The following CSMD1 variants were observed in gnomAD, a reference collection of about 807,000 sequenced individuals.
The protein encoded by CSMD1 is CUB and sushi domain-containing protein 1.
A neutral mutation model predicts 417.5 loss-of-function variants in CSMD1; 213 were observed. The observed-to-expected ratio is 0.51, with a 90% CI of 0.46 to 0.57. CSMD1 has a LOEUF of 0.57. Ranked by LOEUF, CSMD1 falls within the 20% of genes least tolerant of loss-of-function variation. The pLI is 0.00. For missense variants in CSMD1, 6,923 were observed against 4,529.7 expected (o/e 1.53, Z -15.17); for synonymous variants, 2,862 against 1,736.8 (o/e 1.65, Z -16.11).
At chr8:4,207,519 T>G (rs1375557558) in intron 3 of CSMD1, among the ~76,000 whole-genome samples, 1 of 152,148 alleles carries the variant, frequency 6.6e-6, no homozygotes, top group East Asian at 1.9e-4. Context: ...TTTCTTAAAC[T>G]GAAGTTTTAG....
intron 10 of CSMD1, among the ~76,000 whole-genome samples, chr8:3,509,211 G>C (rs1796960716): frequency 6.6e-6 from 1 of 152,154 alleles, no homozygotes; most frequent in East Asian, 1.9e-4. Flanking sequence ...TGGGCAATTA[G>C]AGAAACAATA....
rs371381065 is a variant in CSMD1 at position 3,468,855 on chromosome 8, G to C, written c.1449-31C>G. 4 of 1,454,770 alleles carry C rather than the reference G, an allele frequency of 2.7e-6. No individual in the cohort carries two copies. The East Asian group carries it at 7.2e-5, about 26-fold the overall frequency. 90.1% of individuals were successfully genotyped at this position (1,454,770 alleles called of 1,614,324 possible). On this transcript the variant is annotated intron_variant, in intron 11 of 69. Coordinates refer to ENST00000635120, the MANE Select transcript of CSMD1 (RefSeq NM_033225.6). The stretch of plus-strand genomic sequence containing the variant: ...AGAAAGAGAAATGTCAAAGCTTTTA[G>C]GTAAGGCAACAAGTACATCGACTTC...
chr8:3,428,400 G>A (rs1012613264), intron 12 of CSMD1, among the ~76,000 whole-genome samples: 5 of 152,128 alleles, frequency 3.3e-5, no homozygotes, highest in Non-Finnish European at 7.4e-5. Context: ...CAGAAGCTGG[G>A]CTTTAAAGAA....
intron 3 of CSMD1, among the ~76,000 whole-genome samples, chr8:4,353,181 C>T (rs1366911201): frequency 2.6e-5 from 4 of 152,146 alleles, no homozygotes; most frequent in Non-Finnish European, 4.4e-5. Context: ...TAATAATCCC[C>T]ACGTGTCAAG....
chr8:2,955,736 G>T lies in CSMD1; in HGVS notation c.9847C>A (p.His3283Asn). 1 of 1,613,874 alleles carries T rather than the reference G, an allele frequency of 6.2e-7. No homozygotes were observed. Among genetic ancestry groups the T allele is most frequent in the Non-Finnish European group, 8.5e-7 (1 of 1,179,782 alleles). ...HACRQPETPA[H>N]ADVRAIDLPT... ...AGATCGATGGCTCTCACATCCGCGTGTGCCGGGGTTTCTGGCTGTCTGCAG... is the reference window on the plus strand; with the variant it reads ...AGATCGATGGCTCTCACATCCGCGTTTGCCGGGGTTTCTGGCTGTCTGCAG... Residue 3283 changes from histidine (H) to asparagine (N), a missense_variant, in exon 64 of 70, where the codon CAC becomes AAC. Transcript: ENST00000635120.
rs117819433 is a variant in CSMD1, at chr8:4,772,743, G to T, written c.86-135185C>A. Among the ~76,000 whole-genome samples the T allele has an allele frequency of 4.6e-5, 7 of 152,306 alleles. No individual in the cohort carries two copies. In the East Asian group the frequency reaches 1.4e-3, roughly 29 times the overall value. On this transcript the variant is annotated intron_variant, in intron 1 of 69. Transcript: ENST00000635120. ...CTTGAATTCAGATGAAGTGGATTCAGATCCCGGAAGAACCTCTTGGCTAAC... is the reference window on the plus strand; with the variant it reads ...CTTGAATTCAGATGAAGTGGATTCATATCCCGGAAGAACCTCTTGGCTAAC...
intron 1 of CSMD1, among the ~76,000 whole-genome samples, chr8:4,647,188 G>A (rs547209911): frequency 1.7e-3 from 257 of 151,392 alleles, no homozygotes; most frequent in Middle Eastern, 0.01. Flanking sequence ...TAGGCCACTG[G>A]GCCATACGTA....
intron 7 of CSMD1, among the ~76,000 whole-genome samples, chr8:3,617,123 G>A (rs560677366): frequency 6.6e-6 from 1 of 152,236 alleles, no homozygotes; most frequent in African/African-American, 2.4e-5. Context: ...CAGAAAAACA[G>A]CATTATGAGA....
At chr8:4,603,127 T>C (rs1025261069) in intron 2 of CSMD1, among the ~76,000 whole-genome samples, 1 of 152,016 alleles carries the variant, frequency 6.6e-6, no homozygotes, top group Non-Finnish European at 1.5e-5. Context: ...GGCTTGAATT[T>C]TTTATGGAGA....
intron 7 of CSMD1, among the ~76,000 whole-genome samples, chr8:3,644,680 G>C (rs1187641030): frequency 6.6e-6 from 1 of 152,130 alleles, no homozygotes; most frequent in Non-Finnish European, 1.5e-5. Flanking sequence ...CTGAAGAAGA[G>C]ACCCAGAGCC....
chr8:3,493,086 G>C (rs770145823), intron 11 of CSMD1, among the ~76,000 whole-genome samples: 3 of 152,064 alleles, frequency 2.0e-5, no homozygotes, highest in South Asian at 2.1e-4. Context: ...CAGAGGTCAG[G>C]AGTTCGAGAC....
At chr8:4,136,977 C>G (rs1803480743) in intron 3 of CSMD1, among the ~76,000 whole-genome samples, 1 of 152,176 alleles carries the variant, frequency 6.6e-6, no homozygotes, top group Non-Finnish European at 1.5e-5. Flanking sequence ...ATCAATGAAA[C>G]AAATAAATGT....
chr8:4,925,842 T>G (rs1806830969), intron 1 of CSMD1, among the ~76,000 whole-genome samples: 1 of 152,198 alleles, frequency 6.6e-6, no homozygotes, highest in African/African-American at 2.4e-5. Context: ...CCCTCGCGCC[T>G]GGCCTCTATC....
intron 5 of CSMD1, among the ~76,000 whole-genome samples, chr8:3,864,830 T>A (rs1276310628): frequency 6.6e-6 from 1 of 152,214 alleles, no homozygotes; most frequent in Non-Finnish European, 1.5e-5. Flanking sequence ...TACAGAAACA[T>A]TTCCTAGACA....
chr8:3,499,201 G>A (rs969716738), intron 10 of CSMD1, among the ~76,000 whole-genome samples: 8 of 152,130 alleles, frequency 5.3e-5, no homozygotes, highest in Admixed American at 2.6e-4. Context: ...GGGTGCTTTG[G>A]TTTGTATTCT....
At chr8:3,664,518 G>T (rs1298243075) in intron 7 of CSMD1, among the ~76,000 whole-genome samples, 1 of 152,220 alleles carries the variant, frequency 6.6e-6, no homozygotes, top group Non-Finnish European at 1.5e-5. Flanking sequence ...CTCCAGGATT[G>T]TATGCTGATG....
chr8:4,960,757 C>T (rs926339815), intron 1 of CSMD1, among the ~76,000 whole-genome samples: 2 of 152,060 alleles, frequency 1.3e-5, no homozygotes, highest in East Asian at 1.9e-4. Flanking sequence ...TATAAGGGTA[C>T]ACAAGTTTCT....
intron 5 of CSMD1, among the ~76,000 whole-genome samples, chr8:3,777,243 G>T (rs761579488): frequency 6.6e-6 from 1 of 151,882 alleles, no homozygotes; most frequent in Non-Finnish European, 1.5e-5. Context: ...AGCTCCTTAA[G>T]GGCAGGGGTT....
At chr8:4,989,082 A>C (rs191425741) in intron 1 of CSMD1, among the ~76,000 whole-genome samples, 1 of 152,350 alleles carries the variant, frequency 6.6e-6, no homozygotes, top group Admixed American at 6.5e-5. Flanking sequence ...TGAATACCTA[A>C]GTGCAATTAT....
Sources: allele counts gnomAD v4.1 joint callset (sites outside exome capture counted in the v4.1 genomes callset), GRCh38; gene constraint gnomAD v4.1.1; transcripts MANE v1.5; gene names NCBI Gene and HGNC (gene_info 2026-07-23, HGNC 2026-07-21).